CDK14: variants seen among roughly 807,000 people sequenced by gnomAD.
CDK14 encodes the protein cyclin-dependent kinase 14.
Under a neutral mutation model 60.7 loss-of-function variants are expected in CDK14, and 34 were observed. The observed-to-expected ratio is 0.56, with a 90% confidence interval of 0.43 to 0.75. The LOEUF (loss-of-function observed/expected upper bound fraction) is 0.75. CDK14 is among the 30% of genes least tolerant of loss of function. CDK14 has a pLI of 0.00. For missense variants in CDK14, 482 were observed against 564.1 expected (o/e 0.85, Z 1.47); for synonymous variants, 197 against 203.7 (o/e 0.97, Z 0.28).
chr7:90,829,463 A>T (rs1199719584), intron 5 of CDK14, among the ~76,000 whole-genome samples: 1 of 152,150 alleles, frequency 6.6e-6, no homozygotes, highest in African/African-American at 2.4e-5. Flanking sequence ...TCCCATTCTA[A>T]CAGGGAGAAA....
intron 2 of CDK14, among the ~76,000 whole-genome samples, chr7:90,635,327 G>A (rs994295823): frequency 6.6e-6 from 1 of 152,192 alleles, no homozygotes; most frequent in Admixed American, 6.5e-5. Context: ...GTAAGGAAGG[G>A]ATCCAGTTTC....
intron 11 of CDK14, among the ~76,000 whole-genome samples, chr7:91,063,428 C>T (rs537383088): frequency 5.3e-5 from 8 of 152,356 alleles, no homozygotes; most frequent in African/African-American, 9.6e-5. Flanking sequence ...ATTTCCTTCA[C>T]GTACACTGTC....
intron 4 of CDK14, among the ~76,000 whole-genome samples, chr7:90,783,716 A>C (rs573766026): frequency 6.6e-6 from 1 of 152,282 alleles, no homozygotes; most frequent in South Asian, 2.1e-4. Flanking sequence ...ACAAATCAAA[A>C]CCATAGTGAG....
At chr7:90,835,073 A>C (rs1046995285) in intron 5 of CDK14, among the ~76,000 whole-genome samples, 11 of 152,200 alleles carry the variant, frequency 7.2e-5, no homozygotes, top group Non-Finnish European at 1.5e-4. Flanking sequence ...GTGACTGACA[A>C]GGAGCAAAGG....
intron 5 of CDK14, among the ~76,000 whole-genome samples, chr7:90,816,219 A>G (rs2117061512): frequency 6.6e-6 from 1 of 152,348 alleles, no homozygotes; most frequent in East Asian, 1.9e-4. Flanking sequence ...AGAGAAAGAC[A>G]TAACTGCCAG....
intron 12 of CDK14, among the ~76,000 whole-genome samples, chr7:91,102,441 C>A (rs1319477495): frequency 6.6e-6 from 1 of 152,124 alleles, no homozygotes; most frequent in Admixed American, 6.5e-5. Context: ...ATGTAAATTA[C>A]ACCTACCACA....
intron 14 of CDK14, among the ~76,000 whole-genome samples, chr7:91,143,611 C>G (rs561170259): frequency 1.3e-5 from 2 of 152,150 alleles, no homozygotes; most frequent in East Asian, 3.9e-4. Flanking sequence ...GTCCCAGCTA[C>G]TTGGGAGGCT....
At chr7:90,752,403 T>C (rs1013663551) in intron 4 of CDK14, among the ~76,000 whole-genome samples, 1 of 152,100 alleles carries the variant, frequency 6.6e-6, no homozygotes, top group Non-Finnish European at 1.5e-5. Context: ...ATTAAACAAC[T>C]TCCTCCTGAA....
intron 2 of CDK14, among the ~76,000 whole-genome samples, chr7:90,636,164 A>G (rs995593244): frequency 4.0e-5 from 6 of 151,648 alleles, no homozygotes; most frequent in Non-Finnish European, 5.9e-5. Context: ...AGAACTTCCA[A>G]CACTATGTTG....
chr7:91,118,202 C>A lies in CDK14; in HGVS notation c.*22C>A. The A allele has an allele frequency of 1.4e-6, 2 of 1,436,274 alleles. No homozygotes were observed. The highest frequency in any genetic ancestry group is 2.0e-6 in the Non-Finnish European group (2 of 1,019,632). 89.0% of individuals were successfully genotyped at this position (1,436,274 alleles called of 1,614,324 possible). ...CTGACAAGCAGCACATTCTCAAGAGCACACAGGTAAGAGGACCTGCTTTAC... is the reference window on the plus strand; with the variant it reads ...CTGACAAGCAGCACATTCTCAAGAGAACACAGGTAAGAGGACCTGCTTTAC... On this transcript the variant is annotated 3_prime_UTR_variant, in exon 14 of 15. Transcript: ENST00000380050.
At chr7:91,042,557 C>T (rs183643862) in intron 10 of CDK14, among the ~76,000 whole-genome samples, 128 of 152,094 alleles carry the variant, frequency 8.4e-4, no homozygotes, top group African/African-American at 2.9e-3. Context: ...AGAGCTGAAC[C>T]AATAAAAGAA....
intron 5 of CDK14, among the ~76,000 whole-genome samples, chr7:90,849,695 A>G (rs115943196): frequency 0.01 from 1,569 of 152,122 alleles, 57 homozygotes; most frequent in African/African-American, 0.036. Context: ...TCTGATTTTT[A>G]TAGAAAAGCC....
chr7:90,864,952 A>G (rs775010218), intron 6 of CDK14, among the ~76,000 whole-genome samples: 9 of 152,116 alleles, frequency 5.9e-5, no homozygotes, highest in Non-Finnish European at 1.2e-4. Context: ...TGGAGTTCGT[A>G]CATCATATAG....
At chr7:91,143,121 A>T (rs1024308168) in intron 14 of CDK14, among the ~76,000 whole-genome samples, 3 of 152,206 alleles carry the variant, frequency 2.0e-5, no homozygotes, top group Non-Finnish European at 4.4e-5. Flanking sequence ...CTGAGCTAAA[A>T]CTTGAAGACT....
At chr7:91,009,035 C>T (rs984751918) in intron 10 of CDK14, among the ~76,000 whole-genome samples, 1 of 152,016 alleles carries the variant, frequency 6.6e-6, no homozygotes. Context: ...GCTTCCATCC[C>T]CAAGCGACTA....
At chr7:90,922,512 A>G in intron 8 of CDK14, among the ~76,000 whole-genome samples, 1 of 152,184 alleles carries the variant, frequency 6.6e-6, no homozygotes, top group Middle Eastern at 3.2e-3. Context: ...ACAGACTATT[A>G]AGATTACATG....
chr7:90,601,951 T>C (rs144472280), intron 1 of CDK14, among the ~76,000 whole-genome samples: 1 of 151,860 alleles, frequency 6.6e-6, no homozygotes, highest in East Asian at 1.9e-4. Flanking sequence ...TGTATGTATG[T>C]ATGTATGTAT....
intron 5 of CDK14, among the ~76,000 whole-genome samples, chr7:90,828,342 T>C (rs904558568): frequency 6.6e-6 from 1 of 152,196 alleles, no homozygotes; most frequent in Non-Finnish European, 1.5e-5. Context: ...CTTGACACCA[T>C]TTTGTATAGT....
intron 2 of CDK14, among the ~76,000 whole-genome samples, chr7:90,715,461 A>C (rs902695940): frequency 1.3e-5 from 2 of 151,996 alleles, no homozygotes; most frequent in Non-Finnish European, 2.9e-5. Context: ...TTTAGTTTTT[A>C]AATCAGAGTA....
Sources: gnomAD v4.1 joint callset for allele counts (sites outside exome capture counted in the v4.1 genomes callset) on GRCh38, gnomAD v4.1.1 for gene constraint, MANE v1.5 for transcripts, NCBI Gene and HGNC (gene_info 2026-07-23, HGNC 2026-07-21) for gene names.